PHF14: variants seen among roughly 807,000 people sequenced by gnomAD.
PHF14 encodes the protein PHD finger protein 14.
PHF14 carries 55 observed loss-of-function variants against 117.9 expected under a neutral mutation model. The ratio of observed to expected loss-of-function variants is 0.47; its 90% CI spans 0.38 to 0.58. The LOEUF (loss-of-function observed/expected upper bound fraction) is 0.58, where lower values mean the gene tolerates loss of function less well. Among genes scored for constraint, PHF14 ranks in the 20% least tolerant of loss-of-function variants. The probability of loss-of-function intolerance (pLI) is 0.00; values close to 1 mark genes in which losing one functional copy is unlikely to be tolerated. For missense variants in PHF14, 978 were observed against 1,122.2 expected, an observed-to-expected ratio of 0.87 and a Z score of 1.84; for synonymous variants, 409 against 368.6, an observed-to-expected ratio of 1.11 and a Z score of -1.26.
intron 17 of PHF14, among the ~76,000 whole-genome samples, chr7:11,149,882 A>G (rs1788658461): frequency 6.6e-6 from 1 of 151,964 alleles, no homozygotes; most frequent in South Asian, 2.1e-4. Context: ...TATACTTCAT[A>G]TCTTTCTCTT....
intron 16 of PHF14, chr7:11,104,672 G>C: frequency 2.1e-6 from 2 of 955,896 alleles, no homozygotes; most frequent in Non-Finnish European, 2.5e-6. Flanking sequence ...CAAACGTTGT[G>C]CATTGGAATC....
intron 17 of PHF14, among the ~76,000 whole-genome samples, chr7:11,118,110 A>G (rs1320578408): frequency 2.6e-5 from 4 of 151,854 alleles, no homozygotes; most frequent in African/African-American, 9.7e-5. Flanking sequence ...TTGCCTTTTT[A>G]CTAATACAGA....
At chr7:10,982,308 TTGTG>T (rs879230535) in intron 2 of PHF14, 60 bp from the exon 3 acceptor site, 56 of 976,890 alleles carry the variant, frequency 5.7e-5, no homozygotes, top group South Asian at 8.5e-5. Flanking sequence ...TGTGTCAGCG[TTGTG>T]TGTGTGTGTG....
chr7:10,976,559 A>G (rs1781872818), intron 2 of PHF14, among the ~76,000 whole-genome samples: 1 of 152,092 alleles, frequency 6.6e-6, no homozygotes. Context: ...TTTATGGACA[A>G]TTTGTTTCCA....
chr7:10,974,779 T>C (rs1202370446), intron 1 of PHF14, 56 bp from the exon 2 acceptor site: 2 of 884,318 alleles, frequency 2.3e-6, no homozygotes. Context: ...GCACCACAAC[T>C]CTCCCCTGTG....
intron 14 of PHF14, among the ~76,000 whole-genome samples, chr7:11,055,551 C>G (rs1018557251): frequency 1.3e-5 from 2 of 152,080 alleles, no homozygotes; most frequent in African/African-American, 4.8e-5. Flanking sequence ...TTTTTAGCAG[C>G]TTTGACTGAA....
intron 16 of PHF14, among the ~76,000 whole-genome samples, chr7:11,070,270 G>T (rs909866822): frequency 1.3e-5 from 2 of 152,130 alleles, no homozygotes; most frequent in Admixed American, 1.3e-4. Context: ...TAGAAATGGG[G>T]TCTGACTGTT....
At chr7:11,103,015 C>G in intron 16 of PHF14, 1 of 991,486 alleles carries the variant, frequency 1.0e-6, no homozygotes, top group Non-Finnish European at 1.2e-6. Flanking sequence ...TTCCATTAGT[C>G]TGCTATTCTG....
chr7:11,101,382 C>A (rs1272156246), intron 16 of PHF14, among the ~76,000 whole-genome samples: 2 of 151,724 alleles, frequency 1.3e-5, no homozygotes, highest in South Asian at 4.2e-4. Context: ...TTATACTTTT[C>A]CAGTAGTAAA....
chr7:11,147,212 A>G (rs146976101), intron 17 of PHF14, among the ~76,000 whole-genome samples: 219 of 152,298 alleles, frequency 1.4e-3, no homozygotes, highest in African/African-American at 5.1e-3. Flanking sequence ...GTTTGGTTGT[A>G]CAGGATATAT....
intron 16 of PHF14, chr7:11,103,061 G>A: frequency 2.0e-6 from 2 of 980,134 alleles, no homozygotes; most frequent in Non-Finnish European, 2.4e-6. Flanking sequence ...CATATATGAA[G>A]TACTGCATTG....
In PHF14 at chr7:11,062,077, T is replaced by A; in HGVS notation, c.2646T>A (p.Asn882Lys). 1 of 1,606,906 alleles carries A rather than the reference T, an allele frequency of 6.2e-7. No individual in the cohort carries two copies. The highest frequency in any genetic ancestry group is 1.1e-5 in the South Asian group (1 of 89,210). ...ATCKGTGDNENLVRCDECRLC... is the reference protein window; with the variant it reads ...ATCKGTGDNEKLVRCDECRLC... The stretch of plus-strand genomic sequence containing the variant: ...GCAAGGGAACTGGAGACAATGAAAA[T>A]CTTGTCAGGTAAGTTGGATGCTAAA... The change falls in exon 16 of 18, where the codon AAT becomes AAA. Residue 882 changes from asparagine (N) to lysine (K), a missense_variant. Asn to Lys is a moderately conservative substitution (Grantham distance 94). Coordinates refer to ENST00000634607, the MANE Select transcript of PHF14 (RefSeq NM_001007157.2).
intron 17 of PHF14, among the ~76,000 whole-genome samples, chr7:11,164,390 A>G (rs1037670404): frequency 3.3e-5 from 5 of 152,216 alleles, no homozygotes; most frequent in African/African-American, 9.6e-5. Flanking sequence ...GGCAAAGCAC[A>G]GGTAAGAAAA....
At chr7:11,067,757 C>T (rs1020562101) in intron 16 of PHF14, among the ~76,000 whole-genome samples, 1 of 152,132 alleles carries the variant, frequency 6.6e-6, no homozygotes, top group Non-Finnish European at 1.5e-5. Context: ...AAGGTGCTTT[C>T]ACTCATGGTG....
intron 16 of PHF14, among the ~76,000 whole-genome samples, chr7:11,100,832 C>T (rs1217705777): frequency 6.6e-6 from 1 of 151,948 alleles, no homozygotes; most frequent in East Asian, 1.9e-4. Flanking sequence ...ACTAATTAGG[C>T]ATACTGCCTC....
intron 12 of PHF14, among the ~76,000 whole-genome samples, chr7:11,041,424 T>TTGTG (rs58282147): frequency 2.2e-4 from 33 of 150,378 alleles, no homozygotes; most frequent in African/African-American, 1.9e-4. Context: ...GCTGGTGTTT[T>TTGTG]TGTGTGTGTG....
chr7:11,070,984 A>T (rs376334388), intron 16 of PHF14, among the ~76,000 whole-genome samples: 6 of 152,216 alleles, frequency 3.9e-5, no homozygotes, highest in South Asian at 2.1e-4. Context: ...CTGAGTACAA[A>T]CTTAAAAATC....
chr7:11,137,570 T>C (rs1260716427), intron 17 of PHF14, among the ~76,000 whole-genome samples: 1 of 151,696 alleles, frequency 6.6e-6, no homozygotes, highest in Non-Finnish European at 1.5e-5. Flanking sequence ...TAATCACTTT[T>C]ACATTTTAAC....
intron 2 of PHF14, among the ~76,000 whole-genome samples, chr7:10,978,870 A>G (rs2128307402): frequency 6.6e-6 from 1 of 152,320 alleles, no homozygotes; most frequent in South Asian, 2.1e-4. Flanking sequence ...ACATAGCTGG[A>G]ACTAGAATCG....
Sources: allele counts gnomAD v4.1 joint callset (sites outside exome capture counted in the v4.1 genomes callset), GRCh38; gene constraint gnomAD v4.1.1; transcripts MANE v1.5; gene names NCBI Gene and HGNC (gene_info 2026-07-23, HGNC 2026-07-21).